Variants in PCDHGA9 observed in about 807,000 individuals in gnomAD.
The protein encoded by PCDHGA9 is protocadherin gamma subfamily A, 9, also known as protocadherin gamma-A9.
PCDHGA9 carries 37 observed loss-of-function variants against 62.5 expected under a neutral mutation model. The ratio of observed to expected loss-of-function variants is 0.59; its 90% confidence interval spans 0.46 to 0.78. PCDHGA9 has a LOEUF of 0.78. PCDHGA9 is among the 30% of genes least tolerant of loss of function. PCDHGA9 has a pLI of 0.00. For synonymous variants in PCDHGA9, 459 were observed against 484.6 expected (o/e 0.95, Z 0.69); for missense variants, 1,138 against 1,166.2 (o/e 0.98, Z 0.35).
intron 1 of PCDHGA9, chr5:141,415,738 AGGTTTTTT>A: frequency 1.9e-6 from 1 of 538,082 alleles, no homozygotes; most frequent in Non-Finnish European, 2.7e-6. Flanking sequence ...ATGTTTATTA[AGGTTTTTT>A]TTTTTTTTTT....
intron 1 of PCDHGA9, chr5:141,428,119 C>T (rs2097112199): frequency 6.2e-7 from 1 of 1,606,512 alleles, no homozygotes; most frequent in Non-Finnish European, 8.5e-7. Context: ...GCCATCGAGC[C>T]CGGGCTTTTC....
intron 1 of PCDHGA9, chr5:141,478,583 C>G: frequency 6.3e-7 from 1 of 1,578,146 alleles, no homozygotes; most frequent in Non-Finnish European, 8.6e-7. Context: ...CCTGTTAGTG[C>G]TTTTTTATTC....
chr5:141,467,057 T>TG, intron 1 of PCDHGA9, among the ~76,000 whole-genome samples: 1 of 144,752 alleles, frequency 6.9e-6, no homozygotes, highest in Non-Finnish European at 1.5e-5. Context: ...AATGTTTTCT[T>TG]TTTTTTTTTT....
In PCDHGA9 at chr5:141,485,429, A is replaced by T. The variant is rs1388904857; in HGVS notation, c.2425-9378A>T. On this transcript the variant is annotated intron_variant, in intron 1 of 3. Transcript: ENST00000573521. This position sits in a 1 kb window ranked among gnomAD's most constrained non-coding sequence, Gnocchi z 5.7. Reference sequence around the variant, plus strand: ...GGATTTGGACAGCGGAGCCCTGCTCATCAAGAACCCAATCGACCGAGAGGC... The same window carrying T: ...GGATTTGGACAGCGGAGCCCTGCTCTTCAAGAACCCAATCGACCGAGAGGC... The T allele has an allele frequency of 6.2e-7, 1 of 1,614,090 alleles. No homozygotes were observed. Among genetic ancestry groups the T allele is most frequent in the Non-Finnish European group, 8.5e-7 (1 of 1,180,052 alleles).
chr5:141,475,914 A>C (rs2099380300), intron 1 of PCDHGA9: 1 of 592,260 alleles, frequency 1.7e-6, no homozygotes, highest in African/African-American at 1.9e-5. Context: ...GCCAATGAAG[A>C]CGCTGGAGAT....
intron 1 of PCDHGA9, among the ~76,000 whole-genome samples, chr5:141,456,745 A>T (rs573105679): frequency 6.6e-6 from 1 of 151,920 alleles, no homozygotes; most frequent in South Asian, 2.1e-4. Context: ...CGGGAGCATC[A>T]TGAGGTCAGG....
At chr5:141,417,626 T>G in intron 1 of PCDHGA9, 2 of 689,576 alleles carry the variant, frequency 2.9e-6, no homozygotes, top group East Asian at 2.9e-5. Flanking sequence ...GAGCAAGCGC[T>G]GACGCCGGGG....
chr5:141,492,206 G>A (rs1180294159), intron 1 of PCDHGA9, among the ~76,000 whole-genome samples: 2 of 152,204 alleles, frequency 1.3e-5, no homozygotes, highest in Non-Finnish European at 2.9e-5. Context: ...TTAGGTGTGC[G>A]CGCGGGGCTC....
chr5:141,430,657 A>G (rs2097300740), intron 1 of PCDHGA9: 1 of 1,093,240 alleles, frequency 9.1e-7, no homozygotes, highest in African/African-American at 1.6e-5. Flanking sequence ...GAAACAACGG[A>G]GGAGCTCTGA....
intron 1 of PCDHGA9, chr5:141,417,914 C>T: frequency 6.2e-7 from 1 of 1,602,320 alleles, no homozygotes; most frequent in Non-Finnish European, 8.5e-7. Context: ...GGTACTATTT[C>T]CTTTGCTGCT....
chr5:141,502,487 C>A (rs563658817), intron 2 of PCDHGA9, among the ~76,000 whole-genome samples: 1 of 152,182 alleles, frequency 6.6e-6, no homozygotes, highest in Non-Finnish European at 1.5e-5. Context: ...CACACTGGGA[C>A]TCATCTAACG....
At chr5:141,449,567 C>T (rs1412647192) in intron 1 of PCDHGA9, among the ~76,000 whole-genome samples, 2 of 133,846 alleles carry the variant, frequency 1.5e-5, no homozygotes, top group Non-Finnish European at 3.1e-5. Context: ...CCAGCCTGGG[C>T]GACAGAGCAA....
At chr5:141,483,648 T>TTGTGTG (rs111458813) in intron 1 of PCDHGA9, among the ~76,000 whole-genome samples, 20,229 of 149,628 alleles carry the variant, frequency 0.14, 2,147 homozygotes, top group African/African-American at 0.31. Context: ...GGGTGTGTGT[T>TTGTGTG]TGTGTGTGTG....
chr5:141,491,368 A>G lies in PCDHGA9; in HGVS notation c.2425-3439A>G. ...CAGTCTCTTATCCCTAGTCACCTTC[A>G]CCTTTCTGTCAGCGAAGTGCCTTCA... On this transcript the variant is annotated intron_variant, in intron 1 of 3. Transcript: ENST00000573521. This position sits in a 1 kb window ranked among gnomAD's most constrained non-coding sequence, Gnocchi z 6.9. 6.2e-7 allele frequency: 1 copy of G among 1,613,842 alleles called. No homozygotes were observed. The highest frequency in any genetic ancestry group is 8.5e-7 in the Non-Finnish European group (1 of 1,179,940).
chr5:141,464,973 TTC>T (rs2154568681), intron 1 of PCDHGA9, among the ~76,000 whole-genome samples: 1 of 152,092 alleles, frequency 6.6e-6, no homozygotes, highest in East Asian at 1.9e-4. Flanking sequence ...AACTACTGGC[TTC>T]AAGTGATCCT....
In PCDHGA9 at chr5:141,489,163, C is replaced by T. The variant is rs2099683398; in HGVS notation, c.2425-5644C>T. 1 of 1,060,592 alleles carries T rather than the reference C, an allele frequency of 9.4e-7. No individual in the cohort carries two copies. Among genetic ancestry groups the T allele is most frequent in the Admixed American group, 2.4e-5 (1 of 41,724 alleles). The allele number at this position is 1,060,592 out of a possible 1,614,324, so 65.7% of individuals were successfully genotyped here. On this transcript the variant is annotated intron_variant, in intron 1 of 3. Coordinates refer to ENST00000573521, the MANE Select transcript of PCDHGA9 (RefSeq NM_018921.3). This position sits in a 1 kb window ranked among gnomAD's most constrained non-coding sequence, Gnocchi z 4.5. ...TGGAAGGAGACATAAGAGACTTCAGCTGCTGCATTCCAAGCCCTGGGTCTA... is the reference window on the plus strand; with the variant it reads ...TGGAAGGAGACATAAGAGACTTCAGTTGCTGCATTCCAAGCCCTGGGTCTA...
In PCDHGA9 at chr5:141,431,326, T is replaced by G. The variant is rs1486136293; in HGVS notation, c.2424+25950T>G. 6.2e-7 allele frequency: 1 copy of G among 1,614,046 alleles called. No individual in the cohort carries two copies. Among genetic ancestry groups the G allele is most frequent in the Non-Finnish European group, 8.5e-7 (1 of 1,180,018 alleles). On this transcript the variant is annotated intron_variant, in intron 1 of 3. Transcript: ENST00000573521. This position sits in a 1 kb window ranked among gnomAD's most constrained non-coding sequence, Gnocchi z 4.8. Reference sequence around the variant, plus strand: ...TCGTGCAAAATGGAGCCGACGGTAGTAAGTACCCCGAATTGGTGCTGAAAC... The same window carrying G: ...TCGTGCAAAATGGAGCCGACGGTAGGAAGTACCCCGAATTGGTGCTGAAAC...
At chr5:141,500,182 ATT>A (rs1199992745) in intron 2 of PCDHGA9, among the ~76,000 whole-genome samples, 2 of 131,622 alleles carry the variant, frequency 1.5e-5, no homozygotes, top group African/African-American at 3.1e-5. Flanking sequence ...CTTCATTTTT[ATT>A]TTTATTTATT....
intron 1 of PCDHGA9, among the ~76,000 whole-genome samples, chr5:141,433,837 CAA>C (rs56191208): frequency 1.4e-4 from 16 of 111,664 alleles, no homozygotes; most frequent in Non-Finnish European, 1.2e-4. Context: ...AACTCTATCT[CAA>C]AAAAAAAAAA....
Sources: gnomAD v4.1 joint callset for allele counts (sites outside exome capture counted in the v4.1 genomes callset) on GRCh38, gnomAD v4.1.1 for gene constraint, Gnocchi (gnomAD v3.1) non-coding constraint, MANE v1.5 for transcripts, NCBI Gene and HGNC (gene_info 2026-07-23, HGNC 2026-07-21) for gene names.